NOSTRIN: variants seen among roughly 807,000 people sequenced by gnomAD.
NOSTRIN encodes the protein BM247 homolog.
In NOSTRIN, 63 loss-of-function variants were observed where a neutral mutation model predicts 59.0. The observed-to-expected ratio is 1.07, with a 90% CI of 0.87 to 1.32. NOSTRIN has a LOEUF of 1.32. Ranked by LOEUF, NOSTRIN falls within the 40% of genes most tolerant of loss-of-function variation. The pLI is 0.00. For missense variants in NOSTRIN, 512 were observed against 473.1 expected, an observed-to-expected ratio of 1.08 and a Z score of -0.76; for synonymous variants, 200 against 165.4, an observed-to-expected ratio of 1.21 and a Z score of -1.61.
At chr2:168,859,334 C>A in intron 12 of NOSTRIN, 178 bp from the exon 13 acceptor site, 1 of 889,638 alleles carries the variant, frequency 1.1e-6, no homozygotes, top group Non-Finnish European at 1.6e-6. Flanking sequence ...TCCCTCTAAA[C>A]TGCTTAAAGA....
intron 8 of NOSTRIN, among the ~76,000 whole-genome samples, chr2:168,848,543 T>G (rs1236431754): frequency 6.8e-6 from 1 of 146,082 alleles, no homozygotes; most frequent in Non-Finnish European, 1.5e-5. Context: ...GCAAGCAGTG[T>G]TCAAATGACT....
intron 15 of NOSTRIN, among the ~76,000 whole-genome samples, chr2:168,862,615 G>A (rs892954644): frequency 6.6e-6 from 1 of 152,200 alleles, no homozygotes; most frequent in Non-Finnish European, 1.5e-5. Context: ...TTACTTCTCA[G>A]AAAAGCTTTT....
intron 2 of NOSTRIN, among the ~76,000 whole-genome samples, chr2:168,813,726 G>T (rs970081099): frequency 2.0e-5 from 3 of 152,040 alleles, no homozygotes; most frequent in African/African-American, 7.2e-5. Flanking sequence ...GAGTCTACTG[G>T]TTAGCAAAAT....
chr2:168,865,135 T>A lies in NOSTRIN; in HGVS notation c.*165T>A. The stretch of plus-strand genomic sequence containing the variant: ...ATTCATGATTATTAGCTTGAAACAG[T>A]CAGAAAAAAGATGGATGGGTGGAGA... On this transcript the variant is annotated 3_prime_UTR_variant, in exon 16 of 16. Coordinates refer to ENST00000317647, the MANE Select transcript of NOSTRIN (RefSeq NM_001039724.4). The A allele has an allele frequency of 1.3e-6, 1 of 754,824 alleles. No homozygotes were observed. 46.8% of individuals were successfully genotyped at this position (754,824 alleles called of 1,614,324 possible).
chr2:168,839,612 G>C lies in NOSTRIN; in HGVS notation c.505-3380G>C, dbSNP rs547892265. ...TAAAGGTTTCTGAGAAGTTCCTTAA[G>C]TAAGAATACAGGAGTCTACAGCCGG... On this transcript the variant is annotated intron_variant, in intron 7 of 15. Coordinates refer to ENST00000317647, the MANE Select transcript of NOSTRIN (RefSeq NM_001039724.4). 3.9e-5 allele frequency among the ~76,000 whole-genome samples: 6 copies of C among 152,232 alleles called. No individual in the cohort carries two copies. In the South Asian group the frequency reaches 1.2e-3, roughly 32 times the overall value.
intron 8 of NOSTRIN, among the ~76,000 whole-genome samples, chr2:168,845,790 C>CTTCTTTTTTTTTTTTTTTTTTTTTT (rs36186706): frequency 7.1e-6 from 1 of 140,630 alleles, no homozygotes; most frequent in African/African-American, 2.7e-5. Context: ...TTTTTTCTTC[C>CTTCTTTTTTTTTTTTTTTTTTTTTT]TTTTTTTTTT....
In NOSTRIN at chr2:168,865,156, G is replaced by T; in HGVS notation, c.*186G>T. ...ACAGTCAGAAAAAAGATGGATGGGT[G>T]GAGACAGACAAGGAAGAGGCTCCTT... On this transcript the variant is annotated 3_prime_UTR_variant, in exon 16 of 16. Coordinates refer to ENST00000317647, the MANE Select transcript of NOSTRIN (RefSeq NM_001039724.4). 1.5e-6 allele frequency: 1 copy of T among 646,326 alleles called. No individual in the cohort carries two copies. The highest frequency in any genetic ancestry group is 2.1e-5 in the South Asian group (1 of 47,504). 40.0% of individuals were successfully genotyped at this position (646,326 alleles called of 1,614,324 possible).
At chr2:168,862,697 G>C (rs1026769123) in intron 15 of NOSTRIN, among the ~76,000 whole-genome samples, 1 of 152,144 alleles carries the variant, frequency 6.6e-6, no homozygotes, top group Admixed American at 6.5e-5. Flanking sequence ...AAGGTATTAC[G>C]TAGTGGCTTT....
At chr2:168,840,484 C>T (rs1338548807) in intron 7 of NOSTRIN, among the ~76,000 whole-genome samples, 19 of 135,406 alleles carry the variant, frequency 1.4e-4, no homozygotes, top group African/African-American at 3.8e-4. Context: ...GAGCTGAGAT[C>T]GTGCCACTGC....
chr2:168,838,260 C>T (rs1267916988), intron 7 of NOSTRIN, among the ~76,000 whole-genome samples: 2 of 152,274 alleles, frequency 1.3e-5, no homozygotes, highest in African/African-American at 4.8e-5. Flanking sequence ...CATCACCCAC[C>T]TATCCTCCCA....
intron 6 of NOSTRIN, 51 bp from the exon 7 acceptor site, chr2:168,834,176 T>G (rs1238772805): frequency 1.2e-6 from 1 of 831,338 alleles, no homozygotes; most frequent in Non-Finnish European, 2.1e-6. Flanking sequence ...AGTTTTCTCT[T>G]GGCATCAGCC....
intron 1 of NOSTRIN, among the ~76,000 whole-genome samples, chr2:168,805,658 G>A (rs1399898125): frequency 1.3e-5 from 2 of 152,102 alleles, no homozygotes; most frequent in Admixed American, 6.5e-5. Context: ...TCTTCTGGGC[G>A]CCACACAGTC....
In NOSTRIN at chr2:168,864,864, AAGG is replaced by A. The variant is rs760255428; in HGVS notation, c.1420_1422del (p.Gly474del). 1.7e-5 allele frequency: 28 copies of A among 1,614,018 alleles called. No individual in the cohort carries two copies. The East Asian group carries it at 1.8e-4, about 10-fold the overall frequency. On this transcript the variant is annotated inframe_deletion, in exon 16 of 16. Transcript: ENST00000317647. ...ATTGTGATTATACACGAGAAAAAAG[AAGG>A]AGGATGGTGGTTTGGATCTTTGAAT...
chr2:168,794,136 C>G (rs115845969), upstream of NOSTRIN, among the ~76,000 whole-genome samples: 379 of 152,302 alleles, frequency 2.5e-3, no homozygotes, highest in African/African-American at 8.8e-3. Flanking sequence ...CTCCTTGGAT[C>G]TCTCGTTAAT....
chr2:168,851,456 T>G (rs1688765635), intron 10 of NOSTRIN, 52 bp downstream of exon 10: 3 of 1,550,740 alleles, frequency 1.9e-6, no homozygotes, highest in South Asian at 2.6e-5. Flanking sequence ...TCTTAGGTAC[T>G]GAGGGACTTA....
intron 11 of NOSTRIN, chr2:168,856,365 A>AG (rs1163545187): frequency 3.4e-6 from 1 of 297,542 alleles, no homozygotes; most frequent in East Asian, 8.7e-5. Flanking sequence ...TCACAAGGTC[A>AG]GGCGCTGGAG....
At chr2:168,787,422 C>T (rs1685233907) in intron 1 of NOSTRIN, among the ~76,000 whole-genome samples, 1 of 152,208 alleles carries the variant, frequency 6.6e-6, no homozygotes, top group African/African-American at 2.4e-5. Flanking sequence ...CTAACTCTTA[C>T]TTGGCCTTGA....
At chr2:168,855,202 G>A (rs1174811635) in intron 10 of NOSTRIN, 150 bp from the exon 11 acceptor site, 1 of 476,008 alleles carries the variant, frequency 2.1e-6, no homozygotes, top group Admixed American at 3.9e-5. Context: ...GTAGAACAAT[G>A]TGTGTAAAAC....
intron 10 of NOSTRIN, 85 bp from the exon 11 acceptor site, chr2:168,855,267 G>A: frequency 3.4e-6 from 2 of 592,470 alleles, no homozygotes; most frequent in Non-Finnish European, 5.7e-6. Context: ...AAAATTAAAT[G>A]CAGCCAGTGG....
Sources: allele counts gnomAD v4.1 joint callset (sites outside exome capture counted in the v4.1 genomes callset), GRCh38; gene constraint gnomAD v4.1.1; transcripts MANE v1.5; gene names NCBI Gene and HGNC (gene_info 2026-07-23, HGNC 2026-07-21).